The following LIMS3 variants were observed in gnomAD, a reference collection of about 807,000 sequenced individuals.
LIMS3 encodes the protein LIM zinc finger domain containing 3, also known as LIM and senescent cell antigen-like-containing domain protein 3.
At chr2:109,924,171 C>G (rs1677075836) in intron 8 of LIMS3, among the ~76,000 whole-genome samples, 177 bp from the exon 9 acceptor site, 1 of 7,710 alleles carries the variant, frequency 1.3e-4, no homozygotes, top group African/African-American at 1.1e-3. Flanking sequence ...CCACTGTACT[C>G]CAGCCTGGGC....
chr2:109,918,336 CAAAAAAAAA>C (rs779481865), intron 5 of LIMS3, among the ~76,000 whole-genome samples: 3 of 28,256 alleles, frequency 1.1e-4, no homozygotes, highest in Admixed American at 6.0e-4. Context: ...AGACTCGTCT[CAAAAAAAAA>C]AAAAAAAAAA....
Sources: allele counts gnomAD v4.1 joint callset (sites outside exome capture counted in the v4.1 genomes callset), GRCh38; gene constraint gnomAD v4.1.1; transcripts MANE v1.5; gene names NCBI Gene and HGNC (gene_info 2026-07-23, HGNC 2026-07-21).